AGBL4: variants seen among roughly 807,000 people sequenced by gnomAD.
AGBL4 encodes the protein AGBL carboxypeptidase 4.
A neutral mutation model predicts 66.4 loss-of-function variants in AGBL4; 58 were observed. That is an observed-to-expected ratio of 0.87 (90% CI 0.71 to 1.09). The LOEUF (loss-of-function observed/expected upper bound fraction) is 1.09, where lower values mean the gene tolerates loss of function less well. Among genes scored for constraint, AGBL4 ranks in the 50% least tolerant of loss-of-function variants. The pLI, the probability that AGBL4 is intolerant of heterozygous loss-of-function variation, is 0.00. For synonymous variants in AGBL4, 234 were observed against 222.9 expected (o/e 1.05, Z -0.44); for missense variants, 579 against 631.0 (o/e 0.92, Z 0.88).
At chr1:49,933,911 T>A (rs866956236) in intron 1 of AGBL4, among the ~76,000 whole-genome samples, 4 of 152,272 alleles carry the variant, frequency 2.6e-5, no homozygotes, top group African/African-American at 9.6e-5. Context: ...TCCATCTCTG[T>A]TAATAATTAC....
chr1:49,342,182 T>A (rs945404234), intron 3 of AGBL4, among the ~76,000 whole-genome samples: 1 of 152,152 alleles, frequency 6.6e-6, no homozygotes, highest in African/African-American at 2.4e-5. Context: ...CCTCAGCCTC[T>A]CTCTGTGCGC....
chr1:49,271,516 G>GCACA (rs57311875), intron 3 of AGBL4, among the ~76,000 whole-genome samples: 4,324 of 144,212 alleles, frequency 0.03, 80 homozygotes, highest in Non-Finnish European at 0.042. Context: ...TTAAAAGATA[G>GCACA]CACACACACA....
chr1:49,360,448 T>C (rs1307510780), intron 3 of AGBL4, among the ~76,000 whole-genome samples: 1 of 152,226 alleles, frequency 6.6e-6, no homozygotes, highest in Non-Finnish European at 1.5e-5. Flanking sequence ...ATAGTCATTA[T>C]AATTTTTAGT....
chr1:48,688,908 C>G (rs1386395876), intron 6 of AGBL4, among the ~76,000 whole-genome samples: 2 of 151,732 alleles, frequency 1.3e-5, no homozygotes, highest in African/African-American at 4.8e-5. Context: ...GGAGCAGGAT[C>G]AGGATGAAAG....
At chr1:49,972,368 T>C (rs898724978) in intron 1 of AGBL4, among the ~76,000 whole-genome samples, 3 of 152,160 alleles carry the variant, frequency 2.0e-5, no homozygotes, top group Non-Finnish European at 4.4e-5. Context: ...TTCCACTCTG[T>C]ATGTCCATGT....
intron 2 of AGBL4, among the ~76,000 whole-genome samples, chr1:49,830,988 C>T (rs1005789849): frequency 1.3e-5 from 2 of 152,116 alleles, no homozygotes; most frequent in South Asian, 2.1e-4. Context: ...GGTACCAGTG[C>T]CATGCTGTTT....
chr1:49,381,024 G>A (rs932777671), intron 3 of AGBL4, among the ~76,000 whole-genome samples: 1 of 152,074 alleles, frequency 6.6e-6, no homozygotes. Flanking sequence ...GAGCTTTTGT[G>A]CAGCAAAAGA....
chr1:49,860,960 TACAGAGTGGTGC>T (rs912027358), intron 1 of AGBL4, among the ~76,000 whole-genome samples: 26 of 152,214 alleles, frequency 1.7e-4, no homozygotes, highest in African/African-American at 5.3e-4. Flanking sequence ...CCCAGGCAGC[TACAGAGTGGTGC>T]AAAGAGCATC....
rs372393506 is a variant in AGBL4 at position 49,286,993 on chromosome 1, C to T, written c.283-41129G>A. ...CAAGGCTATAGTAACCAAAACAGCA[C>T]GGTACTGGTACCAAAACAGAGATAT... On this transcript the variant is annotated intron_variant, in intron 3 of 13. Coordinates refer to ENST00000371839, the MANE Select transcript of AGBL4 (RefSeq NM_032785.4). Among the ~76,000 whole-genome samples the T allele has an allele frequency of 2.0e-3, 309 of 151,818 alleles. 1 individual carries two copies. Among genetic ancestry groups the T allele is most frequent in the African/African-American group, 5.8e-3 (239 of 41,346 alleles).
chr1:49,276,231 A>AT (rs1376348812), intron 3 of AGBL4, among the ~76,000 whole-genome samples: 2 of 152,108 alleles, frequency 1.3e-5, no homozygotes, highest in Non-Finnish European at 2.9e-5. Context: ...TAAGAGACTG[A>AT]TTTAAAAAGC....
intron 6 of AGBL4, among the ~76,000 whole-genome samples, chr1:48,735,441 G>A (rs577478938): frequency 1.9e-4 from 29 of 151,714 alleles, no homozygotes; most frequent in Non-Finnish European, 3.7e-4. Flanking sequence ...AAGAAGAGAG[G>A]AGGAAGGAGA....
At chr1:49,306,344 G>A (rs941656140) in intron 3 of AGBL4, among the ~76,000 whole-genome samples, 6 of 152,096 alleles carry the variant, frequency 3.9e-5, no homozygotes, top group African/African-American at 1.4e-4. Context: ...TTTATTATAA[G>A]AATGTTAAAG....
chr1:49,058,761 C>T (rs115491394), intron 4 of AGBL4, among the ~76,000 whole-genome samples: 4,004 of 152,230 alleles, frequency 0.026, 63 homozygotes, highest in Non-Finnish European at 0.04. Flanking sequence ...GTGATATTGA[C>T]AATGAAGTCT....
intron 2 of AGBL4, among the ~76,000 whole-genome samples, chr1:49,777,841 G>T (rs1182386500): frequency 6.6e-6 from 1 of 152,082 alleles, no homozygotes; most frequent in African/African-American, 2.4e-5. Context: ...AAAATCAAAA[G>T]AAACCTTTTA....
At chr1:49,617,843 T>G (rs1443183270) in intron 3 of AGBL4, among the ~76,000 whole-genome samples, 1 of 152,160 alleles carries the variant, frequency 6.6e-6, no homozygotes, top group Non-Finnish European at 1.5e-5. Context: ...GTTTCGGTTT[T>G]GTTTTGTTTT....
At chr1:48,550,288 C>G (rs533500644) in intron 11 of AGBL4, among the ~76,000 whole-genome samples, 56 of 151,788 alleles carry the variant, frequency 3.7e-4, no homozygotes, top group Admixed American at 7.9e-4. Flanking sequence ...GGGCCAAAAT[C>G]TAGGTGTCAC....
chr1:49,023,127 T>G (rs573841999), intron 5 of AGBL4, among the ~76,000 whole-genome samples: 1 of 152,316 alleles, frequency 6.6e-6, no homozygotes, highest in African/African-American at 2.4e-5. Context: ...TCTGCCTACT[T>G]ACCTGGTCAT....
At chr1:48,857,232 T>C (rs575592331) in intron 6 of AGBL4, among the ~76,000 whole-genome samples, 3 of 152,332 alleles carry the variant, frequency 2.0e-5, no homozygotes, top group African/African-American at 7.2e-5. Flanking sequence ...ACCAAATATC[T>C]ATAACAATTT....
intron 9 of AGBL4, among the ~76,000 whole-genome samples, chr1:48,625,034 A>G (rs572757959): frequency 6.6e-6 from 1 of 151,886 alleles, no homozygotes; most frequent in Non-Finnish European, 1.5e-5. Flanking sequence ...CTGCCTCCTG[A>G]GTAGCTAAGA....
Sources: gnomAD v4.1 joint callset for allele counts (sites outside exome capture counted in the v4.1 genomes callset) on GRCh38, gnomAD v4.1.1 for gene constraint, MANE v1.5 for transcripts, NCBI Gene and HGNC (gene_info 2026-07-23, HGNC 2026-07-21) for gene names.